The following CLYBL variants were observed in gnomAD, a reference collection of about 807,000 sequenced individuals.
CLYBL encodes citramalyl-CoA lyase, mitochondrial.
A neutral mutation model predicts 38.9 loss-of-function variants in CLYBL; 31 were observed. That is an observed-to-expected ratio of 0.80 (90% CI 0.60 to 1.08). CLYBL has a LOEUF of 1.08. Among genes scored for constraint, CLYBL ranks in the 50% least tolerant of loss-of-function variants. The pLI is 0.00. For synonymous variants in CLYBL, 171 were observed against 158.6 expected (o/e 1.08, Z -0.59); for missense variants, 434 against 411.6 (o/e 1.05, Z -0.47).
chr13:99,649,814 G>T (rs2047224846), intron 1 of CLYBL, among the ~76,000 whole-genome samples: 1 of 151,514 alleles, frequency 6.6e-6, no homozygotes, highest in Non-Finnish European at 1.5e-5. Flanking sequence ...GCAGTAAACA[G>T]TGATCATGTG....
chr13:99,627,237 C>T (rs1275028766), intron 1 of CLYBL, among the ~76,000 whole-genome samples: 1 of 151,716 alleles, frequency 6.6e-6, no homozygotes, highest in African/African-American at 2.4e-5. Context: ...TTTCTGTGTT[C>T]CTTTCTCGTC....
chr13:99,775,612 A>G (rs1391352758), intron 2 of CLYBL, among the ~76,000 whole-genome samples: 2 of 152,050 alleles, frequency 1.3e-5, no homozygotes, highest in East Asian at 1.9e-4. Context: ...GGGCTCAAGC[A>G]GTCCTCCCAC....
intron 1 of CLYBL, among the ~76,000 whole-genome samples, chr13:99,609,096 C>T (rs2046583294): frequency 6.6e-6 from 1 of 150,796 alleles, no homozygotes; most frequent in African/African-American, 2.4e-5. Flanking sequence ...GTTGATGGAA[C>T]CCCACAGGTC....
chr13:99,772,271 G>A (rs1312331814), intron 1 of CLYBL, among the ~76,000 whole-genome samples: 1 of 152,082 alleles, frequency 6.6e-6, no homozygotes, highest in Non-Finnish European at 1.5e-5. Context: ...CCTCCTCTTT[G>A]TCTCAGAAGA....
At chr13:99,854,957 C>A (rs1406800982) in intron 2 of CLYBL, among the ~76,000 whole-genome samples, 2 of 152,148 alleles carry the variant, frequency 1.3e-5, no homozygotes, top group Non-Finnish European at 2.9e-5. Context: ...CGATTGAATG[C>A]GGCAACTTTG....
intron 1 of CLYBL, among the ~76,000 whole-genome samples, chr13:99,713,761 G>A (rs2048271228): frequency 6.6e-6 from 1 of 151,964 alleles, no homozygotes; most frequent in Non-Finnish European, 1.5e-5. Flanking sequence ...ATGGCTCATT[G>A]CAGCCTCAAC....
intron 2 of CLYBL, among the ~76,000 whole-genome samples, chr13:99,853,700 T>G (rs2051387701): frequency 6.6e-6 from 1 of 152,172 alleles, no homozygotes; most frequent in South Asian, 2.1e-4. Context: ...TACAGTAAAT[T>G]TTTACACATT....
At chr13:99,751,313 C>T (rs941614271) in intron 1 of CLYBL, among the ~76,000 whole-genome samples, 4 of 151,914 alleles carry the variant, frequency 2.6e-5, no homozygotes, top group Non-Finnish European at 2.9e-5. Context: ...CTCTGCCTCT[C>T]GGGTTCAAGT....
In CLYBL at chr13:99,613,206, A is replaced by T. The variant is rs564743356; in HGVS notation, c.62+6449A>T. On this transcript the variant is annotated intron_variant, in intron 1 of 8. Transcript: ENST00000339105. Reference sequence around the variant, plus strand: ...TTCATAGTAAGACTCCAAAAGAAAAAGGGCTCCCTGGCTGTATGTGTTCAG... The same window carrying T: ...TTCATAGTAAGACTCCAAAAGAAAATGGGCTCCCTGGCTGTATGTGTTCAG... Among the ~76,000 whole-genome samples, 7 of 152,236 alleles carry T rather than the reference A, an allele frequency of 4.6e-5. No individual in the cohort carries two copies. The East Asian group carries it at 1.3e-3, about 29-fold the overall frequency.
At chr13:99,750,814 A>G in intron 1 of CLYBL, among the ~76,000 whole-genome samples, 1 of 149,926 alleles carries the variant, frequency 6.7e-6, no homozygotes, top group Non-Finnish European at 1.5e-5. Flanking sequence ...TTTCCAAAGG[A>G]TATATAAAAG....
At chr13:99,729,579 A>T (rs1223888353) in intron 1 of CLYBL, among the ~76,000 whole-genome samples, 1 of 152,174 alleles carries the variant, frequency 6.6e-6, no homozygotes, top group Non-Finnish European at 1.5e-5. Flanking sequence ...GAGACTCATC[A>T]TCACTGCTCT....
chr13:99,776,681 A>C (rs191283315), intron 2 of CLYBL, among the ~76,000 whole-genome samples: 126 of 152,126 alleles, frequency 8.3e-4, no homozygotes, highest in African/African-American at 2.9e-3. Flanking sequence ...AGTTTCAGGG[A>C]AATTTTGAAG....
intron 1 of CLYBL, among the ~76,000 whole-genome samples, chr13:99,711,529 C>T (rs951882869): frequency 5.9e-5 from 9 of 151,294 alleles, no homozygotes; most frequent in Non-Finnish European, 5.9e-5. Context: ...GCCTCAGCCT[C>T]CCAAGTAGCT....
chr13:99,876,360 G>T (rs2052041384), intron 7 of CLYBL, among the ~76,000 whole-genome samples: 1 of 141,652 alleles, frequency 7.1e-6, no homozygotes, highest in African/African-American at 2.7e-5. Context: ...GGCAAAGGTT[G>T]CAGTGAGCCA....
chr13:99,882,399 A>T (rs1006744856), intron 7 of CLYBL, among the ~76,000 whole-genome samples: 1 of 152,204 alleles, frequency 6.6e-6, no homozygotes, highest in Non-Finnish European at 1.5e-5. Context: ...TCACAGCTAT[A>T]ATCTCAGCAC....
At chr13:99,802,844 C>T (rs1424506643) in intron 2 of CLYBL, among the ~76,000 whole-genome samples, 3 of 152,216 alleles carry the variant, frequency 2.0e-5, no homozygotes, top group African/African-American at 7.2e-5. Flanking sequence ...GTATATTCTA[C>T]ATGTGCTATA....
chr13:99,758,522 C>T (rs561326246), intron 1 of CLYBL, among the ~76,000 whole-genome samples: 5 of 152,296 alleles, frequency 3.3e-5, no homozygotes, highest in Admixed American at 6.5e-5. Context: ...TGTATTCATA[C>T]GCTGTAGACA....
At chr13:99,901,654 T>TTTTTG (rs1555327302), downstream of CLYBL, among the ~76,000 whole-genome samples, 5 of 141,904 alleles carry the variant, frequency 3.5e-5, no homozygotes, top group East Asian at 2.0e-4. Context: ...TGTTTTTTTT[T>TTTTTG]TTTGTTTGTT....
intron 2 of CLYBL, among the ~76,000 whole-genome samples, chr13:99,812,532 A>G (rs547173189): frequency 2.0e-5 from 3 of 152,188 alleles, no homozygotes; most frequent in Non-Finnish European, 4.4e-5. Flanking sequence ...TCCTCCCTGG[A>G]CCTCATCCAT....
Sources: allele counts gnomAD v4.1 joint callset (sites outside exome capture counted in the v4.1 genomes callset), GRCh38; gene constraint gnomAD v4.1.1; transcripts MANE v1.5; gene names NCBI Gene and HGNC (gene_info 2026-07-23, HGNC 2026-07-21).